Variants in SPRED2 observed in about 807,000 individuals in gnomAD.
The protein encoded by SPRED2 is sprouty-related, EVH1 domain-containing protein 2.
In SPRED2, 47 loss-of-function variants were observed where a neutral mutation model predicts 43.0. The ratio of observed to expected loss-of-function variants is 1.09; its 90% CI spans 0.87 to 1.40. The LOEUF (loss-of-function observed/expected upper bound fraction) is 1.40. Among genes scored for constraint, SPRED2 ranks in the 40% most tolerant of loss-of-function variants. SPRED2 has a pLI of 0.00. For synonymous variants in SPRED2, 225 were observed against 225.7 expected, an observed-to-expected ratio of 1.00 and a Z score of 0.03; for missense variants, 561 against 586.4, an observed-to-expected ratio of 0.96 and a Z score of 0.45.
chr2:65,403,946 T>C (rs1031323651), intron 1 of SPRED2, among the ~76,000 whole-genome samples: 2 of 152,200 alleles, frequency 1.3e-5, no homozygotes, highest in Non-Finnish European at 2.9e-5. Context: ...GGCTCACTCC[T>C]GTAATCCCAG....
At chr2:65,343,285 A>AT (rs1196162453) in intron 2 of SPRED2, among the ~76,000 whole-genome samples, 1 of 152,244 alleles carries the variant, frequency 6.6e-6, no homozygotes, top group Admixed American at 6.5e-5. Flanking sequence ...TTTGACTATT[A>AT]TATAGGGTAT....
At chr2:65,411,808 A>G (rs906637872) in intron 1 of SPRED2, among the ~76,000 whole-genome samples, 1 of 152,166 alleles carries the variant, frequency 6.6e-6, no homozygotes, top group Non-Finnish European at 1.5e-5. Context: ...TTTAGGATTG[A>G]GTACTCCGTA....
chr2:65,365,971 T>C (rs144969628), intron 1 of SPRED2, among the ~76,000 whole-genome samples: 1 of 152,192 alleles, frequency 6.6e-6, no homozygotes, highest in African/African-American at 2.4e-5. Flanking sequence ...CCACTACCCT[T>C]TCTCCCACCT....
downstream of SPRED2, chr2:65,308,487 A>G: frequency 6.1e-6 from 6 of 985,378 alleles, no homozygotes; most frequent in Non-Finnish European, 7.2e-6. Context: ...TGTAGATCTA[A>G]ATACTCACAA....
At chr2:65,372,942 C>T (rs1675163969) in intron 1 of SPRED2, among the ~76,000 whole-genome samples, 1 of 152,210 alleles carries the variant, frequency 6.6e-6, no homozygotes. Flanking sequence ...TATTACTCAC[C>T]TTGATGCTGG....
intron 4 of SPRED2, among the ~76,000 whole-genome samples, chr2:65,322,674 G>A (rs1465972395): frequency 1.3e-5 from 2 of 152,108 alleles, no homozygotes; most frequent in Admixed American, 1.3e-4. Context: ...GAAAAACAGA[G>A]GGGACAGTGT....
chr2:65,372,147 G>A (rs1366461115), intron 1 of SPRED2, among the ~76,000 whole-genome samples: 1 of 152,082 alleles, frequency 6.6e-6, no homozygotes, highest in Non-Finnish European at 1.5e-5. Context: ...TTCAGCCCAG[G>A]TTTCTTTAGG....
At chr2:65,319,683 ACTC>A (rs1229578787) in intron 4 of SPRED2, among the ~76,000 whole-genome samples, 1 of 149,460 alleles carries the variant, frequency 6.7e-6, no homozygotes, top group African/African-American at 2.5e-5. Context: ...CTCACAAACA[ACTC>A]TTCTTGGTGT....
chr2:65,426,437 G>A (rs760994586), intron 1 of SPRED2, among the ~76,000 whole-genome samples: 4 of 152,182 alleles, frequency 2.6e-5, no homozygotes, highest in Non-Finnish European at 4.4e-5. Flanking sequence ...GCCCAATGGT[G>A]TTGGGCCAAC....
chr2:65,390,912 C>A lies in SPRED2; in HGVS notation c.26+41050G>T, dbSNP rs752724317. 2.4e-4 allele frequency among the ~76,000 whole-genome samples: 36 copies of A among 151,828 alleles called. 1 individual carries two copies. Among genetic ancestry groups the A allele is most frequent in the Admixed American group, 3.9e-4 (6 of 15,246 alleles). ...CCAGCCTAGGCAACATGTAAAACCC[C>A]GTCTCTACAAAAAATGCAAAATAAA... On this transcript the variant is annotated intron_variant, in intron 1 of 5. Transcript: ENST00000356388.
intron 1 of SPRED2, among the ~76,000 whole-genome samples, chr2:65,410,925 G>C (rs938181880): frequency 1.1e-4 from 16 of 152,162 alleles, no homozygotes; most frequent in African/African-American, 3.9e-4. Flanking sequence ...TCTCAGTGCA[G>C]GGCAACCAAC....
intron 1 of SPRED2, among the ~76,000 whole-genome samples, chr2:65,354,363 T>C (rs1447105336): frequency 1.3e-5 from 2 of 152,234 alleles, no homozygotes; most frequent in Admixed American, 1.3e-4. Context: ...AGTTACCTCA[T>C]AAAATGCTGG....
intron 1 of SPRED2, among the ~76,000 whole-genome samples, chr2:65,354,158 A>C (rs1427808991): frequency 6.6e-6 from 1 of 152,244 alleles, no homozygotes; most frequent in Non-Finnish European, 1.5e-5. Context: ...GGATCCTCTG[A>C]CATCCCCCGA....
chr2:65,376,283 T>C (rs796510020), intron 1 of SPRED2, among the ~76,000 whole-genome samples: 1 of 152,160 alleles, frequency 6.6e-6, no homozygotes, highest in South Asian at 2.1e-4. Context: ...GAGGAAAGCA[T>C]CATGGGAAGA....
At chr2:65,334,258 C>T (rs4671658) in intron 3 of SPRED2, 153,995 of 476,330 alleles carry the variant, frequency 0.32, 28,475 homozygotes, top group East Asian at 0.69. Context: ...AGAATCCATT[C>T]TCTACTTCTG....
intron 4 of SPRED2, among the ~76,000 whole-genome samples, chr2:65,322,815 T>C (rs898093651): frequency 2.0e-5 from 3 of 152,218 alleles, no homozygotes; most frequent in African/African-American, 7.2e-5. Flanking sequence ...CTAAGGATTT[T>C]CACCAGATAT....
At chr2:65,427,986 C>G (rs547394962) in intron 1 of SPRED2, among the ~76,000 whole-genome samples, 1 of 152,144 alleles carries the variant, frequency 6.6e-6, no homozygotes, top group Non-Finnish European at 1.5e-5. Context: ...CCAACTACCT[C>G]GCAGGATTTT....
intron 1 of SPRED2, among the ~76,000 whole-genome samples, chr2:65,429,786 C>G (rs1428016899): frequency 5.9e-5 from 9 of 152,216 alleles, no homozygotes; most frequent in Non-Finnish European, 1.3e-4. Context: ...CTTTCTCAGT[C>G]TCTAAGTGAA....
rs573524270 is a variant in SPRED2, at chr2:65,327,819, G to A, written c.438+4168C>T. Among the ~76,000 whole-genome samples, 44 of 138,586 alleles carry A rather than the reference G, an allele frequency of 3.2e-4. No individual in the cohort carries two copies. In the South Asian group the frequency reaches 5.1e-3, roughly 16 times the overall value. 90.9% of individuals were successfully genotyped at this position (138,586 alleles called of 152,430 possible). A position where few individuals can be genotyped will look rare whatever the true frequency, so the allele number is the denominator to read the frequency against. On this transcript the variant is annotated intron_variant, in intron 4 of 5. Transcript: ENST00000356388. ...GCTCACTGCAACCTCCGCCTTCCAG[G>A]TTCAAGCGATTCTCCTGCCTCAGCC... is the stretch of plus-strand genomic sequence containing the variant.
Sources: allele counts gnomAD v4.1 joint callset (sites outside exome capture counted in the v4.1 genomes callset), GRCh38; gene constraint gnomAD v4.1.1; transcripts MANE v1.5; gene names NCBI Gene and HGNC (gene_info 2026-07-23, HGNC 2026-07-21).